Variants in SUN1 observed in about 807,000 individuals in gnomAD.
SUN1 encodes the protein SUN domain-containing protein 1.
A neutral mutation model predicts 103.2 loss-of-function variants in SUN1; 61 were observed. The ratio of observed to expected loss-of-function variants is 0.59; its 90% CI spans 0.48 to 0.73. The LOEUF (loss-of-function observed/expected upper bound fraction) is 0.73, where lower values mean the gene tolerates loss of function less well. Ranked by LOEUF, SUN1 falls within the 30% of genes least tolerant of loss-of-function variation. The pLI is 0.00. For missense variants in SUN1, 1,052 were observed against 1,034.6 expected (o/e 1.02, Z -0.23); for synonymous variants, 490 against 425.7 (o/e 1.15, Z -1.86).
intron 5 of SUN1, among the ~76,000 whole-genome samples, chr7:847,296 C>T (rs1305902323): frequency 1.6e-4 from 24 of 147,242 alleles, no homozygotes; most frequent in Admixed American, 1.6e-3. Context: ...CCGGGATCCC[C>T]TGGGGGTTAC....
intron 1 of SUN1, among the ~76,000 whole-genome samples, chr7:833,696 G>A (rs1385179205): frequency 6.6e-6 from 1 of 152,182 alleles, no homozygotes. Context: ...CTTGTTACCA[G>A]CATTAGTCAG....
At chr7:846,443 C>T (rs1043509767) in intron 5 of SUN1, among the ~76,000 whole-genome samples, 1 of 151,948 alleles carries the variant, frequency 6.6e-6, no homozygotes, top group African/African-American at 2.4e-5. Context: ...AGAGGTGGCA[C>T]GTACCTGTAG....
intron 16 of SUN1, chr7:869,072 C>G: frequency 2.3e-6 from 1 of 429,128 alleles, no homozygotes. Flanking sequence ...GGACCATTGA[C>G]CTTCACCTTT....
intron 15 of SUN1, among the ~76,000 whole-genome samples, chr7:862,826 T>C (rs2128474777): frequency 6.6e-6 from 1 of 152,308 alleles, no homozygotes; most frequent in South Asian, 2.1e-4. Context: ...CTCAATCAGC[T>C]ACATTAAAAT....
intron 10 of SUN1, among the ~76,000 whole-genome samples, chr7:853,870 C>T (rs1052441305): frequency 1.3e-5 from 2 of 152,180 alleles, no homozygotes; most frequent in Admixed American, 6.5e-5. Context: ...TAACCCCAAG[C>T]GGGAAGTCCA....
chr7:825,779 A>G (rs1791155819), intron 1 of SUN1, among the ~76,000 whole-genome samples: 1 of 152,148 alleles, frequency 6.6e-6, no homozygotes, highest in Admixed American at 6.5e-5. Context: ...TATTTCTAAG[A>G]CAGTTTCTTT....
rs369717061 is a variant in SUN1, at chr7:851,716, C to T, written c.757+234C>T. 199 of 626,426 alleles carry T rather than the reference C, an allele frequency of 3.2e-4. 1 individual carries two copies. The highest frequency in any genetic ancestry group is 1.9e-3 in the Middle Eastern group (5 of 2,622). 38.8% of individuals were successfully genotyped at this position (626,426 alleles called of 1,614,324 possible). On this transcript the variant is annotated intron_variant, in intron 6 of 18. Transcript: ENST00000401592. ...GGGGAAGTCCGGCTGCCTGAATGCC[C>T]GGTGCAGAGAATGCATGGATCTGGG... is the stretch of plus-strand genomic sequence containing the variant.
At chr7:868,494 G>A (rs572480549) in intron 16 of SUN1, 6 of 305,566 alleles carry the variant, frequency 2.0e-5, no homozygotes, top group South Asian at 2.7e-5. Flanking sequence ...TGGTCGGATG[G>A]GGGGGCAGTG....
chr7:859,145 T>A (rs1830161718), intron 13 of SUN1, among the ~76,000 whole-genome samples: 1 of 141,606 alleles, frequency 7.1e-6, no homozygotes, highest in South Asian at 2.2e-4. Flanking sequence ...AGAGCAAGAC[T>A]CCGTCTCAAA....
At chr7:824,563 A>G (rs1280605514) in intron 1 of SUN1, among the ~76,000 whole-genome samples, 1 of 152,224 alleles carries the variant, frequency 6.6e-6, no homozygotes, top group African/African-American at 2.4e-5. Flanking sequence ...TTGCTGAAAC[A>G]CTGTGATGAC....
chr7:840,379 G>A lies in SUN1; in HGVS notation c.266+1393G>A, dbSNP rs1412587908. 5.9e-5 allele frequency among the ~76,000 whole-genome samples: 9 copies of A among 152,362 alleles called. No individual in the cohort carries two copies. The South Asian group carries it at 1.4e-3, about 25-fold the overall frequency. ...AGCCCAGTCTCCGTCTCCCAGTGGC[G>A]TGGAGAGCAAGTGTGCTGCAGCTGT... On this transcript the variant is annotated intron_variant, in intron 2 of 18. Transcript: ENST00000401592.
chr7:851,838 C>A, intron 6 of SUN1, 112 bp from the exon 7 acceptor site: 1 of 1,158,486 alleles, frequency 8.6e-7, no homozygotes, highest in Non-Finnish European at 1.3e-6. Flanking sequence ...ACTTCTTCAC[C>A]TCCAGCTTCA....
At chr7:831,023 G>A, upstream of SUN1, 2 of 985,502 alleles carry the variant, frequency 2.0e-6, no homozygotes, top group Non-Finnish European at 2.4e-6. Flanking sequence ...CCTGTGCCGG[G>A]CTCCTCTGCG....
rs921373003 is a variant in SUN1 at position 847,432 on chromosome 7, G to A, written c.658+3912G>A. 4.8e-5 allele frequency among the ~76,000 whole-genome samples: 7 copies of A among 145,872 alleles called. 1 individual carries two copies. The highest frequency in any genetic ancestry group is 2.1e-4 in the East Asian group (1 of 4,710). On this transcript the variant is annotated intron_variant, in intron 5 of 18. Coordinates refer to ENST00000401592, the MANE Select transcript of SUN1 (RefSeq NM_001130965.3). Reference sequence around the variant, plus strand: ...GGGGTTACCCCGCAGCACCCTCTCCGGGATCCCCTGGGGGTTACTCCGCAG... The same window carrying A: ...GGGGTTACCCCGCAGCACCCTCTCCAGGATCCCCTGGGGGTTACTCCGCAG...
intron 1 of SUN1, among the ~76,000 whole-genome samples, chr7:818,905 C>T (rs1021261220): frequency 1.3e-5 from 2 of 151,858 alleles, no homozygotes; most frequent in Non-Finnish European, 2.9e-5. Flanking sequence ...GCTCTGTCGC[C>T]CAGGCTGGAG....
chr7:826,674 G>A (rs551594216), intron 1 of SUN1, among the ~76,000 whole-genome samples: 2 of 152,280 alleles, frequency 1.3e-5, no homozygotes, highest in South Asian at 2.1e-4. Context: ...CAAGGCTTGC[G>A]GGATCCGTGT....
chr7:816,393 T>TGGGGGACTGCATTCGGGGGAAA (rs1780489387), upstream of SUN1: 1 of 156,836 alleles, frequency 6.4e-6, no homozygotes, highest in Non-Finnish European at 1.3e-5. Context: ...TACCGGGACG[T>TGGGGGACTGCATTCGGGGGAAA]GGCCTCGCCC....
At chr7:844,367 C>A (rs1278158586) in intron 5 of SUN1, among the ~76,000 whole-genome samples, 1 of 152,206 alleles carries the variant, frequency 6.6e-6, no homozygotes, top group African/African-American at 2.4e-5. Flanking sequence ...TGCTGGAAGC[C>A]TCAGGAGGGC....
chr7:864,479 G>T (rs1036141616), intron 15 of SUN1, among the ~76,000 whole-genome samples: 1 of 151,652 alleles, frequency 6.6e-6, no homozygotes, highest in Non-Finnish European at 1.5e-5. Context: ...GCTTGAACCT[G>T]GGTGGTGGAG....
Sources: gnomAD v4.1 joint callset for allele counts (sites outside exome capture counted in the v4.1 genomes callset) on GRCh38, gnomAD v4.1.1 for gene constraint, MANE v1.5 for transcripts, NCBI Gene and HGNC (gene_info 2026-07-23, HGNC 2026-07-21) for gene names.